The following COL4A3 variants were observed in gnomAD, a reference collection of about 807,000 sequenced individuals.
COL4A3 encodes collagen alpha-3(IV) chain.
In COL4A3, 135 loss-of-function variants were observed where a neutral mutation model predicts 217.4. That is an observed-to-expected ratio of 0.62 (90% CI 0.54 to 0.72). The LOEUF (loss-of-function observed/expected upper bound fraction) is 0.72. COL4A3 is among the 30% of genes least tolerant of loss of function. The pLI is 0.00. For missense variants in COL4A3, 1,868 were observed against 2,119.9 expected (o/e 0.88, Z 2.33); for synonymous variants, 690 against 736.3 (o/e 0.94, Z 1.02).
At chr2:227,206,969 T>C (rs138328175) in intron 1 of COL4A3, among the ~76,000 whole-genome samples, 6 of 152,304 alleles carry the variant, frequency 3.9e-5, no homozygotes, top group Admixed American at 1.3e-4. Flanking sequence ...TTGCACTGCA[T>C]ACTTGCACTG....
intron 1 of COL4A3, among the ~76,000 whole-genome samples, chr2:227,207,551 G>A (rs1447122291): frequency 6.6e-6 from 1 of 152,190 alleles, no homozygotes; most frequent in African/African-American, 2.4e-5. Context: ...CCCACCTTAA[G>A]GATACTGCTT....
Position 227,283,822 on chromosome 2 carries a change from G to A in COL4A3, c.2712G>A (p.Gly904=), listed in dbSNP as rs781672496. Residue 904 remains glycine (G), a synonymous_variant, in exon 33 of 52, where the codon GGG becomes GGA. Transcript: ENST00000396578. ...TTCCTGGAGCCATTGGCCCTCCAGG[G>A]CCCCCTGGGAACCCAGGCACACCAG... ...MGFPGAIGPP[G]PPGNPGTPGQ... The A allele has an allele frequency of 2.0e-5, 32 of 1,614,034 alleles. 1 individual carries two copies. The South Asian group carries it at 3.0e-4, about 15-fold the overall frequency.
At chr2:227,274,521 T>C (rs2071441588) in intron 26 of COL4A3, among the ~76,000 whole-genome samples, 1 of 151,378 alleles carries the variant, frequency 6.6e-6, no homozygotes, top group Non-Finnish European at 1.5e-5. Flanking sequence ...TTGTCTGAGA[T>C]GGAATCTTGC....
Position 227,270,777 on chromosome 2 carries a change from C to T in COL4A3, c.1583C>T (p.Pro528Leu), listed in dbSNP as rs367868483. 10 of 1,613,816 alleles carry T rather than the reference C, an allele frequency of 6.2e-6. No homozygotes were observed. The highest frequency in any genetic ancestry group is 8.5e-6 in the Non-Finnish European group (10 of 1,179,910). The change falls in exon 25 of 52, where the codon CCA becomes CTA. Residue 528 changes from proline to leucine, a missense_variant. By Grantham distance (98) the Pro-to-Leu change is moderately conservative. Transcript: ENST00000396578. ...NTGLPGFPGF[P>L]GAQGDPGLKG... ...ATTTGTGTACTACCCTAGGGTTTCC[C>T]AGGTGCCCAGGGTGACCCAGGACTT...
rs2070519769 is a variant in COL4A3 at position 227,260,972 on chromosome 2, T to C, written c.1115-110T>C. The C allele has an allele frequency of 1.2e-5, 11 of 890,928 alleles. No homozygotes were observed. In the South Asian group the frequency reaches 1.6e-4, roughly 13 times the overall value. 55.2% of individuals were successfully genotyped at this position (890,928 alleles called of 1,614,324 possible). On this transcript the variant is annotated intron_variant, in intron 19 of 51. Transcript: ENST00000396578. ...TCTAGGTGAGAGTAGGAAAAAAGTA[T>C]GAAAACTCTGTATTATTAACTATCA...
chr2:227,178,449 G>A (rs117702445), intron 1 of COL4A3, among the ~76,000 whole-genome samples: 1,641 of 152,236 alleles, frequency 0.011, 49 homozygotes, highest in East Asian at 0.062. Context: ...ACTCTCCGAC[G>A]TTTATTAAAG....
At chr2:227,202,882 T>TAC (rs1559819858) in intron 1 of COL4A3, among the ~76,000 whole-genome samples, 1 of 24,580 alleles carries the variant, frequency 4.1e-5, no homozygotes, top group African/African-American at 2.7e-4. Context: ...TATATATACA[T>TAC]ATGTGTATAT....
intron 4 of COL4A3, among the ~76,000 whole-genome samples, 191 bp downstream of exon 4, chr2:227,244,555 A>G (rs1432203797): frequency 1.3e-5 from 2 of 152,232 alleles, no homozygotes; most frequent in African/African-American, 4.8e-5. Context: ...AAACTGACCA[A>G]GAAAGGCCAT....
intron 1 of COL4A3, among the ~76,000 whole-genome samples, chr2:227,233,559 A>G (rs1196849862): frequency 2.6e-5 from 4 of 152,210 alleles, no homozygotes; most frequent in Admixed American, 6.5e-5. Flanking sequence ...CAATTAACTA[A>G]TAAGCTGGTA....
At position 227,297,754 on chromosome 2, in the gene COL4A3, G is replaced by A; in HGVS notation, c.3646G>A (p.Gly1216Arg). Reference protein sequence around the residue: ...KGAMGDAGPRGPTGIEGFPGP... With the variant: ...KGAMGDAGPRRPTGIEGFPGP... Reference sequence around the variant, plus strand: ...GGCCATGGGAGATGCTGGACCTCGAGGACCCACAGGCATAGAAGGATTCCC... The same window carrying A: ...GGCCATGGGAGATGCTGGACCTCGAAGACCCACAGGCATAGAAGGATTCCC... Residue 1216 changes from glycine to arginine, a missense_variant, in exon 42 of 52, where the codon GGA (glycine) becomes AGA (arginine). Transcript: ENST00000396578. The A allele has an allele frequency of 6.2e-7, 1 of 1,600,896 alleles. No individual in the cohort carries two copies. The highest frequency in any genetic ancestry group is 8.5e-7 in the Non-Finnish European group (1 of 1,174,100).
chr2:227,222,763 A>G lies in COL4A3; in HGVS notation c.88-15205A>G, dbSNP rs55641732. Reference sequence around the variant, plus strand: ...AGTGGGCATGTCAGGCCAAAAAACCATGTGGAAAAGCACAGGAATATGAAA... The same window carrying G: ...AGTGGGCATGTCAGGCCAAAAAACCGTGTGGAAAAGCACAGGAATATGAAA... On this transcript the variant is annotated intron_variant, in intron 1 of 51. Coordinates refer to ENST00000396578, the MANE Select transcript of COL4A3 (RefSeq NM_000091.5). Among the ~76,000 whole-genome samples, 1,465 of 152,222 alleles carry G rather than the reference A, an allele frequency of 9.6e-3. 8 individuals are homozygous for G. Among genetic ancestry groups the G allele is most frequent in the Non-Finnish European group, 0.017 (1,148 of 68,004 alleles).
In COL4A3 at chr2:227,247,577, G is replaced by C; in HGVS notation, c.461G>C (p.Gly154Ala). The C allele has an allele frequency of 1.2e-6, 2 of 1,614,034 alleles. No individual in the cohort carries two copies. Among genetic ancestry groups the C allele is most frequent in the Non-Finnish European group, 1.7e-6 (2 of 1,179,948 alleles). ...TCCTAGGGTGCTGCTGGTTTGAAAGGACAAAAGGTAAGTCATTGGTGGAAT... is the reference window on the plus strand; with the variant it reads ...TCCTAGGGTGCTGCTGGTTTGAAAGCACAAAAGGTAAGTCATTGGTGGAAT... ...PGIPGAAGLK[G>A]QKGAPAKEED... The change falls in exon 8 of 52, where the codon GGA becomes GCA. Residue 154 changes from glycine (G) to alanine (A), a missense_variant. Transcript: ENST00000396578.
rs189714724 is a variant in COL4A3 at position 227,174,882 on chromosome 2, G to T, written c.87+10069G>T. On this transcript the variant is annotated intron_variant, in intron 1 of 51. Transcript: ENST00000396578. ...AGAAGACATAGGCGCTGGGCTAGGT[G>T]CTGGGACTCATTGGTAAACAAAATA... is the stretch of plus-strand genomic sequence containing the variant. 2.4e-3 allele frequency among the ~76,000 whole-genome samples: 369 copies of T among 152,338 alleles called. 2 individuals are homozygous for T. Among genetic ancestry groups the T allele is most frequent in the Non-Finnish European group, 4.6e-3 (314 of 68,032 alleles).
chr2:227,207,839 T>C (rs967209029), intron 1 of COL4A3, among the ~76,000 whole-genome samples: 3 of 152,156 alleles, frequency 2.0e-5, no homozygotes, highest in Non-Finnish European at 2.9e-5. Context: ...AAGCCCATAG[T>C]TGGATAAACT....
At chr2:227,165,395 T>A (rs1403018857) in intron 1 of COL4A3, among the ~76,000 whole-genome samples, 2 of 152,184 alleles carry the variant, frequency 1.3e-5, no homozygotes, top group African/African-American at 4.8e-5. Context: ...ACCTTAGAAA[T>A]CGAACTCAGG....
chr2:227,201,559 G>A (rs977275323), intron 1 of COL4A3, among the ~76,000 whole-genome samples: 2 of 152,184 alleles, frequency 1.3e-5, no homozygotes, highest in African/African-American at 2.4e-5. Flanking sequence ...GTTTCCAGTT[G>A]ACCTTATTTC....
At position 227,314,260 on chromosome 2, in the gene COL4A3, G is replaced by A. The variant is rs1177763109; in HGVS notation, c.*2390G>A. The A allele has an allele frequency of 6.6e-6, 1 of 152,624 alleles. No individual in the cohort carries two copies. Among genetic ancestry groups the A allele is most frequent in the Non-Finnish European group, 1.5e-5 (1 of 68,050 alleles). The allele number at this position is 152,624 out of a possible 1,614,324, so 9.5% of individuals were successfully genotyped here. On this transcript the variant is annotated 3_prime_UTR_variant, in exon 52 of 52. Coordinates refer to ENST00000396578, the MANE Select transcript of COL4A3 (RefSeq NM_000091.5). ...TTAACTTCTGAGGAAGACAAGTGAT[G>A]CTAAAACCTGAAATTCCAATGAAGC...
Position 227,282,814 on chromosome 2 carries a change from T to C in COL4A3, c.2656+282T>C, listed in dbSNP as rs886373874. Reference sequence around the variant, plus strand: ...TTTGTTGAGAATTTTTGCATTTATATTGAGAAGGGATATTGGTCTGTAGCG... The same window carrying C: ...TTTGTTGAGAATTTTTGCATTTATACTGAGAAGGGATATTGGTCTGTAGCG... On this transcript the variant is annotated intron_variant, in intron 32 of 51. Coordinates refer to ENST00000396578, the MANE Select transcript of COL4A3 (RefSeq NM_000091.5). The surrounding 1 kb of genome is among the most constrained non-coding windows in gnomAD (Gnocchi z 4.4). 2.0e-5 allele frequency among the ~76,000 whole-genome samples: 3 copies of C among 152,222 alleles called. No individual in the cohort carries two copies. Among genetic ancestry groups the C allele is most frequent in the African/African-American group, 7.2e-5 (3 of 41,458 alleles).
At chr2:227,175,980 G>A (rs542353723) in intron 1 of COL4A3, among the ~76,000 whole-genome samples, 2 of 152,260 alleles carry the variant, frequency 1.3e-5, no homozygotes, top group South Asian at 4.1e-4. Context: ...TTAGCCAAAT[G>A]TGGCTGTGAA....
Sources: allele counts gnomAD v4.1 joint callset (sites outside exome capture counted in the v4.1 genomes callset), GRCh38; gene constraint gnomAD v4.1.1; non-coding constraint Gnocchi (gnomAD v3.1); transcripts MANE v1.5; gene names NCBI Gene and HGNC (gene_info 2026-07-23, HGNC 2026-07-21).